Variants in ZIM2 observed in about 807,000 individuals in gnomAD.
ZIM2 encodes the protein zinc finger imprinted 2.
Under a neutral mutation model 38.6 loss-of-function variants are expected in ZIM2, and 14 were observed. That is an observed-to-expected ratio of 0.36 (90% CI 0.24 to 0.57). ZIM2 has a LOEUF of 0.57. Among genes scored for constraint, ZIM2 ranks in the 20% least tolerant of loss-of-function variants. The pLI, the probability that ZIM2 is intolerant of heterozygous loss-of-function variation, is 0.81. For synonymous variants in ZIM2, 247 were observed against 245.8 expected, an observed-to-expected ratio of 1.00 and a Z score of -0.04; for missense variants, 680 against 695.1, an observed-to-expected ratio of 0.98 and a Z score of 0.24.
rs573863965 is a variant in ZIM2, at chr19:56,826,972, A to G, written c.-226-509T>C. 6.6e-5 allele frequency among the ~76,000 whole-genome samples: 10 copies of G among 152,332 alleles called. No individual in the cohort carries two copies. In the South Asian group the frequency reaches 1.5e-3, roughly 22 times the overall value. On this transcript the variant is annotated intron_variant, in intron 2 of 12. Coordinates refer to ENST00000629319, the MANE Select transcript of ZIM2 (RefSeq NM_001387356.1). The stretch of plus-strand genomic sequence containing the variant: ...CTATATATCAGAATGGCAGGCTTAT[A>G]GAGTTCAATAGGAAACCAATAATTT...
At chr19:56,800,420 G>A (rs1362695997) in intron 9 of ZIM2, among the ~76,000 whole-genome samples, 1 of 152,054 alleles carries the variant, frequency 6.6e-6, no homozygotes, top group African/African-American at 2.4e-5. Flanking sequence ...GCTAACATCT[G>A]ATAAACAGTT....
At chr19:56,816,600 A>C in intron 9 of ZIM2, 1 of 1,613,970 alleles carries the variant, frequency 6.2e-7, no homozygotes, top group Non-Finnish European at 8.5e-7. Flanking sequence ...GAAACTCATT[A>C]AGGGCTGGGC....
intron 9 of ZIM2, among the ~76,000 whole-genome samples, chr19:56,792,530 CAAAAAAAAAAA>C (rs1215431208): frequency 2.4e-4 from 5 of 20,954 alleles, no homozygotes; most frequent in Non-Finnish European, 3.7e-4. Flanking sequence ...GACTCTGTCT[CAAAAAAAAAAA>C]AAAAAAAAAA....
chr19:56,834,655 G>A (rs1366339474), intron 2 of ZIM2, among the ~76,000 whole-genome samples: 2 of 152,142 alleles, frequency 1.3e-5, no homozygotes, highest in African/African-American at 4.8e-5. Context: ...TCGGGCAAAG[G>A]AGGTTTCCAA....
chr19:56,814,277 C>T lies in ZIM2; in HGVS notation c.490+3469G>A, dbSNP rs1402347970. ...GGCTCAGCAGCCTCTACGTTTAAGC[C>T]CTGAATCCTCAGAACTACTTGTGGA... On this transcript the variant is annotated intron_variant, in intron 9 of 12. Transcript: ENST00000629319. This position sits in a 1 kb window ranked among gnomAD's most constrained non-coding sequence, Gnocchi z 5.8. The T allele has an allele frequency of 2.5e-6, 4 of 1,613,892 alleles. No individual in the cohort carries two copies. Among genetic ancestry groups the T allele is most frequent in the Non-Finnish European group, 3.4e-6 (4 of 1,180,034 alleles).
chr19:56,839,052 G>A (rs1460438532), intron 1 of ZIM2, among the ~76,000 whole-genome samples: 2 of 151,114 alleles, frequency 1.3e-5, no homozygotes, highest in African/African-American at 2.4e-5. Context: ...CAAAGATGGC[G>A]CCCAGGCGGG....
At chr19:56,818,778 T>A in intron 7 of ZIM2, 76 bp from the exon 8 acceptor site, 3 of 1,520,862 alleles carry the variant, frequency 2.0e-6, no homozygotes, top group Middle Eastern at 1.9e-4. Context: ...GTTGGCAACA[T>A]GGGAGTTACA....
At chr19:56,807,420 A>G (rs1299272926) in intron 9 of ZIM2, among the ~76,000 whole-genome samples, 2 of 152,220 alleles carry the variant, frequency 1.3e-5, no homozygotes, top group South Asian at 2.1e-4. Flanking sequence ...GAAACTTTCC[A>G]TATGTTCAGC....
intron 7 of ZIM2, among the ~76,000 whole-genome samples, chr19:56,818,950 G>T (rs953984505): frequency 3.9e-5 from 6 of 152,124 alleles, no homozygotes; most frequent in Non-Finnish European, 8.8e-5. Context: ...CTTATAATTT[G>T]GTTGGAGAGA....
chr19:56,774,722 G>T lies in ZIM2; in HGVS notation c.1643C>A (p.Ser548Tyr), dbSNP rs2045916954. The T allele has an allele frequency of 6.2e-7, 1 of 1,614,012 alleles. No homozygotes were observed. Among genetic ancestry groups the T allele is most frequent in the Non-Finnish European group, 8.5e-7 (1 of 1,180,024 alleles). The change falls in exon 13 of 13, where the codon TCT (serine) becomes TAT (tyrosine). Residue 548 changes from serine (S) to tyrosine (Y), a missense_variant. Physicochemically the swap from Ser to Tyr is moderately radical, Grantham distance 144. Transcript: ENST00000629319. ...ATCGCACTCAACAGTTTTCTCTTGAGAATGGAGTTGATAATGTTGAGTGAG... is the reference window on the plus strand; with the variant it reads ...ATCGCACTCAACAGTTTTCTCTTGATAATGGAGTTGATAATGTTGAGTGAG... Reference protein sequence around the residue: ...SYLTQHYQLHSQEKTVECDHC With the variant: ...SYLTQHYQLHYQEKTVECDHC
At chr19:56,796,345 C>A (rs918636036) in intron 9 of ZIM2, among the ~76,000 whole-genome samples, 10 of 152,200 alleles carry the variant, frequency 6.6e-5, no homozygotes, top group Admixed American at 1.3e-4. Context: ...GCACACATGG[C>A]AAATTTAAGT....
rs748293688 is a variant in ZIM2 at position 56,774,843 on chromosome 19, G to A, written c.1522C>T (p.Arg508Trp). The A allele has an allele frequency of 6.8e-6, 11 of 1,613,950 alleles. No individual in the cohort carries two copies. The highest frequency in any genetic ancestry group is 6.7e-5 in the Admixed American group (4 of 59,988). Reference protein sequence around the residue: ...QCCDCGRVFSRNSYLIQHYRT... With the variant: ...QCCDCGRVFSWNSYLIQHYRT... The stretch of plus-strand genomic sequence containing the variant: ...TAATGCTGAATGAGATATGAATTCC[G>A]ACTGAAGACTCTGCCACAGTCACAA... The change falls in exon 13 of 13, where the codon CGG (arginine) becomes TGG (tryptophan). Residue 508 changes from arginine (R) to tryptophan (W), a missense_variant. Coordinates refer to ENST00000629319, the MANE Select transcript of ZIM2 (RefSeq NM_001387356.1).
At chr19:56,833,509 C>T (rs745718605) in intron 2 of ZIM2, 35 of 260,656 alleles carry the variant, frequency 1.3e-4, no homozygotes, top group Non-Finnish European at 1.7e-4. Context: ...TTTAAATGCC[C>T]GACACTCAGT....
chr19:56,831,835 C>T (rs1387076381), intron 2 of ZIM2, among the ~76,000 whole-genome samples: 1 of 152,214 alleles, frequency 6.6e-6, no homozygotes, highest in East Asian at 1.9e-4. Flanking sequence ...AAAATCTATA[C>T]TTATGTTGTT....
At chr19:56,813,768 T>C in intron 9 of ZIM2, 1 of 1,614,144 alleles carries the variant, frequency 6.2e-7, no homozygotes, top group South Asian at 1.1e-5. Flanking sequence ...TCTCATCAGC[T>C]TGATTGGCAC....
intron 9 of ZIM2, chr19:56,815,029 C>A: frequency 6.2e-7 from 1 of 1,614,172 alleles, no homozygotes; most frequent in Admixed American, 1.7e-5. Flanking sequence ...TGTGTACTCC[C>A]GACTGTCAAC....
In ZIM2 at chr19:56,809,732, T is replaced by C. The variant is rs151130632; in HGVS notation, c.490+8014A>G. Among the ~76,000 whole-genome samples the C allele has an allele frequency of 6.3e-3, 962 of 152,318 alleles. 5 individuals are homozygous for C. The highest frequency in any genetic ancestry group is 0.02 in the Middle Eastern group (6 of 294). On this transcript the variant is annotated intron_variant, in intron 9 of 12. Coordinates refer to ENST00000629319, the MANE Select transcript of ZIM2 (RefSeq NM_001387356.1). ...ATAACATAGTATCAACACTTTTATG[T>C]TAAGGGTTTATTATTGTCTGTGATT...
intron 7 of ZIM2, among the ~76,000 whole-genome samples, 187 bp downstream of exon 7, chr19:56,821,464 G>A (rs1371074719): frequency 1.3e-5 from 2 of 152,148 alleles, no homozygotes; most frequent in Admixed American, 6.5e-5. Flanking sequence ...GAACGACAAA[G>A]AAACAGCCAG....
At chr19:56,794,826 G>T (rs2047112716) in intron 9 of ZIM2, among the ~76,000 whole-genome samples, 1 of 152,094 alleles carries the variant, frequency 6.6e-6, no homozygotes, top group Admixed American at 6.5e-5. Context: ...TTTTCATTTT[G>T]CCCTAGGCCC....
Sources: gnomAD v4.1 joint callset for allele counts (sites outside exome capture counted in the v4.1 genomes callset) on GRCh38, gnomAD v4.1.1 for gene constraint, Gnocchi (gnomAD v3.1) non-coding constraint, MANE v1.5 for transcripts, NCBI Gene and HGNC (gene_info 2026-07-23, HGNC 2026-07-21) for gene names.